The following RAB36 variants were observed in gnomAD, a reference collection of about 807,000 sequenced individuals.
The protein encoded by RAB36 is ras-related protein Rab-36.
A neutral mutation model predicts 39.3 loss-of-function variants in RAB36; 33 were observed. The observed-to-expected ratio is 0.84, with a 90% CI of 0.64 to 1.12. RAB36 has a LOEUF of 1.12. RAB36 is among the 50% of genes most tolerant of loss of function. The pLI, the probability that RAB36 is intolerant of heterozygous loss-of-function variation, is 0.00. For synonymous variants in RAB36, 133 were observed against 140.2 expected (o/e 0.95, Z 0.36); for missense variants, 308 against 355.3 (o/e 0.87, Z 1.07).
chr22:23,162,097 T>C lies in RAB36; in HGVS notation c.*533T>C. ...CTGTTGTCAGCAGGACTTATGGTTCTGGGTCTCAGAGCTTCAGGCCTCACT... is the reference window on the plus strand; with the variant it reads ...CTGTTGTCAGCAGGACTTATGGTTCCGGGTCTCAGAGCTTCAGGCCTCACT... On this transcript the variant is annotated 3_prime_UTR_variant, in exon 11 of 11. Coordinates refer to ENST00000263116, the MANE Select transcript of RAB36 (RefSeq NM_004914.5). The C allele has an allele frequency of 6.0e-6, 1 of 166,944 alleles. No homozygotes were observed. 10.3% of individuals were successfully genotyped at this position (166,944 alleles called of 1,614,324 possible).
In RAB36 at chr22:23,161,947, C is replaced by G; in HGVS notation, c.*383C>G. Reference sequence around the variant, plus strand: ...GGCCATGGCCCACATCAGCAGTCAACCCTGCACTCTTTCCCAGCGATCTTG... The same window carrying G: ...GGCCATGGCCCACATCAGCAGTCAAGCCTGCACTCTTTCCCAGCGATCTTG... On this transcript the variant is annotated 3_prime_UTR_variant, in exon 11 of 11. Transcript: ENST00000263116. The G allele has an allele frequency of 5.0e-6, 1 of 201,154 alleles. No homozygotes were observed. Among genetic ancestry groups the G allele is most frequent in the Non-Finnish European group, 1.0e-5 (1 of 98,282 alleles). The allele number at this position is 201,154 out of a possible 1,614,324, so 12.5% of individuals were successfully genotyped here. A position where few individuals can be genotyped will look rare whatever the true frequency, so the allele number is the denominator to read the frequency against.
rs2071745237 is a variant in RAB36 at position 23,160,903 on chromosome 22, G to A, written c.644G>A (p.Ser215Asn). The A allele has an allele frequency of 6.2e-7, 1 of 1,613,766 alleles. No homozygotes were observed. Among genetic ancestry groups the A allele is most frequent in the African/African-American group, 1.3e-5 (1 of 74,952 alleles). ...KTGENVKAFF[S>N]RVAALAFEQS... ...GGCGAGAACGTGAAGGCATTCTTCAGCCGCGTAGCCGCCCTGGCATTCGAG... is the reference window on the plus strand; with the variant it reads ...GGCGAGAACGTGAAGGCATTCTTCAACCGCGTAGCCGCCCTGGCATTCGAG... The change falls in exon 10 of 11, where the codon AGC becomes AAC. Residue 215 changes from serine (S) to asparagine (N), a missense_variant. By Grantham distance (46) the Ser-to-Asn change is conservative. Transcript: ENST00000263116.
At chr22:23,169,198 G>A (rs1010038854), downstream of RAB36, among the ~76,000 whole-genome samples, 3 of 152,240 alleles carry the variant, frequency 2.0e-5, no homozygotes, top group Admixed American at 6.5e-5. Context: ...ACAGGGGCTC[G>A]TTTCTCACTG....
intron 2 of RAB36, 59 bp downstream of exon 2, chr22:23,146,744 C>G (rs2070800277): frequency 1.3e-6 from 2 of 1,589,128 alleles, no homozygotes; most frequent in Admixed American, 1.7e-5. Flanking sequence ...CAGCTCTCCC[C>G]ACTCTACACT....
chr22:23,149,949 A>G, intron 2 of RAB36, 114 bp from the exon 3 acceptor site: 1 of 805,526 alleles, frequency 1.2e-6, no homozygotes, highest in Non-Finnish European at 2.1e-6. Context: ...TGAGGCTGCC[A>G]GCTGTGAGGC....
upstream of RAB36, chr22:23,145,460 G>A (rs771745321): frequency 6.2e-7 from 1 of 1,609,984 alleles, no homozygotes; most frequent in East Asian, 2.2e-5. Flanking sequence ...GTAGCCCGCA[G>A]GTCCCGCGTG....
chr22:23,166,587 CTT>C (rs1420582246), downstream of RAB36, among the ~76,000 whole-genome samples: 1 of 152,142 alleles, frequency 6.6e-6, no homozygotes, highest in East Asian at 1.9e-4. Context: ...ATCCTGGTCT[CTT>C]TACAATTCCC....
At chr22:23,146,554 C>T in intron 1 of RAB36, 51 bp from the exon 2 acceptor site, 2 of 1,594,442 alleles carry the variant, frequency 1.3e-6, no homozygotes, top group South Asian at 2.2e-5. Context: ...GGGTGAATCC[C>T]CAGGTATTTG....
intron 3 of RAB36, 55 bp downstream of exon 3, chr22:23,150,209 T>C (rs967093820): frequency 1.5e-6 from 2 of 1,350,946 alleles, no homozygotes; most frequent in African/African-American, 1.4e-5. Context: ...AATGAGTGCA[T>C]GAAGCACGTG....
At chr22:23,145,472 C>G, upstream of RAB36, 1 of 1,609,588 alleles carries the variant, frequency 6.2e-7, no homozygotes, top group Non-Finnish European at 8.5e-7. Context: ...TCCCGCGTGG[C>G]TCTCGTTGCC....
intron 7 of RAB36, among the ~76,000 whole-genome samples, chr22:23,158,340 C>G (rs183336070): frequency 5.9e-5 from 9 of 152,218 alleles, no homozygotes; most frequent in Non-Finnish European, 1.5e-5. Flanking sequence ...GTTGCAAGTC[C>G]GGATACTTTT....
In RAB36 at chr22:23,162,424, C is replaced by T; in HGVS notation, c.*860C>T. On this transcript the variant is annotated 3_prime_UTR_variant, in exon 11 of 11. Coordinates refer to ENST00000263116, the MANE Select transcript of RAB36 (RefSeq NM_004914.5). Reference sequence around the variant, plus strand: ...GCCCTCCTCTGGCACTCATGCTGGGCCTGTGCCCACTGCTGCCTCTCCATC... The same window carrying T: ...GCCCTCCTCTGGCACTCATGCTGGGTCTGTGCCCACTGCTGCCTCTCCATC... The T allele has an allele frequency of 2.8e-6, 1 of 356,258 alleles. No individual in the cohort carries two copies. Among genetic ancestry groups the T allele is most frequent in the Non-Finnish European group, 5.6e-6 (1 of 178,200 alleles). 22.1% of individuals were successfully genotyped at this position (356,258 alleles called of 1,614,324 possible).
In RAB36 at chr22:23,156,030, A is replaced by G; in HGVS notation, c.392A>G (p.Gln131Arg). 1.9e-6 allele frequency: 3 copies of G among 1,611,788 alleles called. No individual in the cohort carries two copies. Among genetic ancestry groups the G allele is most frequent in the Non-Finnish European group, 2.5e-6 (3 of 1,178,928 alleles). ...GCATCTGCCTACTACCGGGGTGCCC[A>G]GGGTGAGCAACATGCCACGTCGGGG... ...CIASAYYRGA[Q>R]VIITAFDLTD... Residue 131 changes from glutamine to arginine, a missense_variant and splice_region_variant, in exon 6 of 11, where the codon CAG becomes CGG. By Grantham distance (43) the Gln-to-Arg change is conservative. Coordinates refer to ENST00000263116, the MANE Select transcript of RAB36 (RefSeq NM_004914.5).
At chr22:23,157,911 G>A (rs1445206316) in intron 6 of RAB36, 81 bp from the exon 7 acceptor site, 3 of 1,598,284 alleles carry the variant, frequency 1.9e-6, no homozygotes, top group Middle Eastern at 1.7e-4. Flanking sequence ...GCAGTTCCTT[G>A]GGAGCTGGGC....
Position 23,145,614 on chromosome 22 carries a change from C to T in RAB36, c.-13+63C>T, listed in dbSNP as rs1056766037. The T allele has an allele frequency of 7.2e-6, 11 of 1,521,764 alleles. No homozygotes were observed. In the African/African-American group the frequency reaches 1.1e-4, roughly 15 times the overall value. The allele number at this position is 1,521,764 out of a possible 1,614,324, so 94.3% of individuals were successfully genotyped here. On this transcript the variant is annotated intron_variant, in intron 1 of 10. Transcript: ENST00000263116. ...CACCCAACCCCGTGCTGGCACATCC[C>T]GAGGCCAGGGCCGCGAGGGCACAGC...
In RAB36 at chr22:23,164,059, G is replaced by A. The variant is rs1229164767; in HGVS notation, c.*2495G>A. The A allele has an allele frequency of 6.6e-6, 1 of 152,224 alleles. No homozygotes were observed. The highest frequency in any genetic ancestry group is 6.5e-5 in the Admixed American group (1 of 15,280). The allele number at this position is 152,224 out of a possible 1,614,324, so 9.4% of individuals were successfully genotyped here. A position where few individuals can be genotyped will look rare whatever the true frequency, so the allele number is the denominator to read the frequency against. ...TCAGGAAGGCCCTTCTCCCGACTGC[G>A]GCCCCCAGCCTGGTCCACTAAATGC... On this transcript the variant is annotated 3_prime_UTR_variant, in exon 11 of 11. Transcript: ENST00000263116.
downstream of RAB36, among the ~76,000 whole-genome samples, chr22:23,165,745 C>T (rs2072034242): frequency 6.6e-6 from 1 of 152,178 alleles, no homozygotes; most frequent in Non-Finnish European, 1.5e-5. Flanking sequence ...TCCAAAATGG[C>T]CTCCCTCATA....
At chr22:23,157,114 G>A (rs977395765) in intron 6 of RAB36, among the ~76,000 whole-genome samples, 1 of 152,222 alleles carries the variant, frequency 6.6e-6, no homozygotes, top group African/African-American at 2.4e-5. Context: ...AGTGATGAGA[G>A]GAGCTGAGGG....
chr22:23,160,308 A>G (rs1229947766), intron 9 of RAB36, among the ~76,000 whole-genome samples: 5 of 152,138 alleles, frequency 3.3e-5, no homozygotes, highest in East Asian at 3.9e-4. Flanking sequence ...ACAGCTCACT[A>G]TGGACCAAGC....
Sources: allele counts gnomAD v4.1 joint callset (sites outside exome capture counted in the v4.1 genomes callset), GRCh38; gene constraint gnomAD v4.1.1; transcripts MANE v1.5; gene names NCBI Gene and HGNC (gene_info 2026-07-23, HGNC 2026-07-21).